Variants in GCNT2 observed in about 807,000 individuals in gnomAD.
GCNT2 encodes N-acetyllactosaminide beta-1,6-N-acetylglucosaminyl-transferase.
Under a neutral mutation model 34.2 loss-of-function variants are expected in GCNT2, and 34 were observed. The observed-to-expected ratio is 1.00, with a 90% CI of 0.76 to 1.32. The LOEUF (loss-of-function observed/expected upper bound fraction) is 1.32, where lower values mean the gene tolerates loss of function less well. GCNT2 is among the 40% of genes most tolerant of loss of function. The probability of loss-of-function intolerance (pLI) is 0.00; values close to 1 mark genes in which losing one functional copy is unlikely to be tolerated. For missense variants in GCNT2, 584 were observed against 489.4 expected, an observed-to-expected ratio of 1.19 and a Z score of -1.82; for synonymous variants, 212 against 188.0, an observed-to-expected ratio of 1.13 and a Z score of -1.04.
intron 3 of GCNT2, 187 bp downstream of exon 3, chr6:10,530,023 C>A: frequency 1.7e-6 from 1 of 587,190 alleles, no homozygotes; most frequent in Non-Finnish European, 3.0e-6. Context: ...CTCTTGTGAA[C>A]CGCTCTGTTC....
At chr6:10,589,453 A>G (rs563921057) in intron 3 of GCNT2, among the ~76,000 whole-genome samples, 1 of 151,780 alleles carries the variant, frequency 6.6e-6, no homozygotes, top group East Asian at 1.9e-4. Flanking sequence ...GACAGCAACT[A>G]TGTGAGGCTT....
At chr6:10,531,897 A>G (rs1434955677) in intron 3 of GCNT2, among the ~76,000 whole-genome samples, 7 of 103,632 alleles carry the variant, frequency 6.8e-5, no homozygotes, top group Non-Finnish European at 1.3e-4. Flanking sequence ...TTTTTTTTAG[A>G]GAAGACCAAG....
At chr6:10,608,792 G>C (rs1278869052) in intron 3 of GCNT2, among the ~76,000 whole-genome samples, 1 of 152,228 alleles carries the variant, frequency 6.6e-6, no homozygotes, top group Non-Finnish European at 1.5e-5. Flanking sequence ...AAAGAGCTGT[G>C]TGAAAATGGA....
intron 3 of GCNT2, among the ~76,000 whole-genome samples, chr6:10,542,119 C>T (rs1049806553): frequency 2.0e-5 from 3 of 152,078 alleles, no homozygotes; most frequent in African/African-American, 7.2e-5. Context: ...ATGAGACCTG[C>T]AATGTAAAAT....
chr6:10,586,844 T>G (rs1561820154), intron 3 of GCNT2: 3 of 1,613,332 alleles, frequency 1.9e-6, no homozygotes, highest in African/African-American at 1.3e-5. Flanking sequence ...GGGCCATTGA[T>G]CTACTACAAT....
At chr6:10,585,047 G>C (rs2127411592) in intron 3 of GCNT2, among the ~76,000 whole-genome samples, 1 of 129,716 alleles carries the variant, frequency 7.7e-6, no homozygotes, top group East Asian at 2.0e-4. Flanking sequence ...GTGTGTGTGT[G>C]TGTGTGTGTG....
At chr6:10,532,688 T>C (rs667651) in intron 3 of GCNT2, among the ~76,000 whole-genome samples, 15,590 of 152,198 alleles carry the variant, frequency 0.1, 869 homozygotes, top group Middle Eastern at 0.15. Flanking sequence ...GTGCTGGTCT[T>C]GAACTCCTGG....
intron 3 of GCNT2, among the ~76,000 whole-genome samples, chr6:10,610,038 A>G (rs1259021867): frequency 6.6e-5 from 10 of 152,228 alleles, no homozygotes; most frequent in Admixed American, 5.2e-4. Flanking sequence ...CATCTGGTGG[A>G]AATACTGCAG....
chr6:10,569,969 T>C (rs1763482711), intron 3 of GCNT2, among the ~76,000 whole-genome samples: 1 of 151,602 alleles, frequency 6.6e-6, no homozygotes, highest in Non-Finnish European at 1.5e-5. Flanking sequence ...CCTTCCTTTC[T>C]TTCTCTCTTT....
chr6:10,529,667 T>C lies in GCNT2; in HGVS notation c.756T>C (p.Thr252=). 6.2e-7 allele frequency: 1 copy of C among 1,613,490 alleles called. No homozygotes were observed. The highest frequency in any genetic ancestry group is 8.5e-7 in the Non-Finnish European group (1 of 1,179,762). Residue 252 remains threonine (T), a synonymous_variant, in exon 3 of 5, where the codon ACT becomes ACC. Coordinates refer to ENST00000495262, the MANE Select transcript of GCNT2 (RefSeq NM_145649.5). Reference sequence around the variant, plus strand: ...TGATTAAAACAACAAAATTAAAAACTCCTCCTCCTCATGACATGGTGATTT... The same window carrying C: ...TGATTAAAACAACAAAATTAAAAACCCCTCCTCCTCATGACATGGTGATTT... ...SYVIKTTKLK[T]PPPHDMVIYF... is the part of the protein sequence containing the mutation.
In GCNT2 at chr6:10,556,002, C is replaced by T. The variant is rs1430664249; in HGVS notation, c.925+26166C>T. The T allele has an allele frequency of 4.5e-6, 5 of 1,102,250 alleles. No homozygotes were observed. The Admixed American group carries it at 1.5e-4, about 32-fold the overall frequency. 68.3% of individuals were successfully genotyped at this position (1,102,250 alleles called of 1,614,324 possible). On this transcript the variant is annotated intron_variant, in intron 3 of 4. Coordinates refer to ENST00000495262, the MANE Select transcript of GCNT2 (RefSeq NM_145649.5). ...CCAGAGCTCATCACTTCAACTCTGG[C>T]TTTCACTGCGCTCATTCCCTGAATG...
intron 3 of GCNT2, among the ~76,000 whole-genome samples, chr6:10,614,624 T>TAAAA (rs1765685776): frequency 2.0e-5 from 1 of 50,796 alleles, no homozygotes; most frequent in African/African-American, 1.6e-4. Flanking sequence ...AGACTCTGTC[T>TAAAA]CAAAAAAAAA....
chr6:10,543,517 T>A (rs1762130158), intron 3 of GCNT2, among the ~76,000 whole-genome samples: 1 of 152,200 alleles, frequency 6.6e-6, no homozygotes, highest in Non-Finnish European at 1.5e-5. Context: ...TGTTTAACAT[T>A]TTGAGGACCT....
chr6:10,556,947 T>C (rs1238574976), intron 3 of GCNT2: 1 of 1,614,144 alleles, frequency 6.2e-7, no homozygotes, highest in Admixed American at 1.7e-5. Flanking sequence ...ATCAGAGATC[T>C]TTCTGCCTTC....
rs909852229 is a variant in GCNT2, at chr6:10,628,057, G to A, written c.*1450G>A. 1 of 152,534 alleles carries A rather than the reference G, an allele frequency of 6.6e-6. No homozygotes were observed. The highest frequency in any genetic ancestry group is 2.4e-5 in the African/African-American group (1 of 41,414). 9.4% of individuals were successfully genotyped at this position (152,534 alleles called of 1,614,324 possible). On this transcript the variant is annotated 3_prime_UTR_variant, in exon 5 of 5. Coordinates refer to ENST00000495262, the MANE Select transcript of GCNT2 (RefSeq NM_145649.5). ...ATAGCACCGGGGAACAATTTCTCTG[G>A]GTGAGAATTGGGACTCTGTTGCTGG...
At chr6:10,532,999 T>G (rs965530276) in intron 3 of GCNT2, among the ~76,000 whole-genome samples, 2 of 150,642 alleles carry the variant, frequency 1.3e-5, no homozygotes, top group Non-Finnish European at 1.5e-5. Context: ...GGATTATGAT[T>G]AGGATTCTGT....
intron 3 of GCNT2, among the ~76,000 whole-genome samples, chr6:10,558,524 T>C (rs957161408): frequency 6.6e-6 from 1 of 152,242 alleles, no homozygotes; most frequent in African/African-American, 2.4e-5. Context: ...CCGATTGTTT[T>C]TTAAAGTGTA....
intron 3 of GCNT2, among the ~76,000 whole-genome samples, chr6:10,620,023 C>T (rs1765963360): frequency 1.3e-5 from 2 of 152,324 alleles, no homozygotes; most frequent in South Asian, 4.1e-4. Context: ...ACATTTGGCT[C>T]ACCCAGATAA....
At position 10,535,398 on chromosome 6, in the gene GCNT2, A is replaced by C. The variant is rs562076080; in HGVS notation, c.925+5562A>C. Reference sequence around the variant, plus strand: ...CCTGCCCTCCCTTTTTCCTCTCCCCACTTCCGTCTTTTACCCTTAATCTGG... The same window carrying C: ...CCTGCCCTCCCTTTTTCCTCTCCCCCCTTCCGTCTTTTACCCTTAATCTGG... On this transcript the variant is annotated intron_variant, in intron 3 of 4. Transcript: ENST00000495262. Among the ~76,000 whole-genome samples the C allele has an allele frequency of 3.3e-5, 5 of 152,080 alleles. No individual in the cohort carries two copies. The South Asian group carries it at 1.0e-3, about 32-fold the overall frequency.
Sources: allele counts gnomAD v4.1 joint callset (sites outside exome capture counted in the v4.1 genomes callset), GRCh38; gene constraint gnomAD v4.1.1; transcripts MANE v1.5; gene names NCBI Gene and HGNC (gene_info 2026-07-23, HGNC 2026-07-21).